HOXC4: variants seen among roughly 807,000 people sequenced by gnomAD.
HOXC4 encodes homeobox C4.
A neutral mutation model predicts 25.5 loss-of-function variants in HOXC4; 15 were observed. That is an observed-to-expected ratio of 0.59 (90% CI 0.39 to 0.91). HOXC4 has a LOEUF of 0.91. Ranked by LOEUF, HOXC4 falls within the 40% of genes least tolerant of loss-of-function variation. The pLI is 0.00. For missense variants in HOXC4, 342 were observed against 352.4 expected (o/e 0.97, Z 0.24); for synonymous variants, 165 against 148.0 (o/e 1.11, Z -0.83).
chr12:54,034,191 C>A, intron 1 of HOXC4: 3 of 1,257,504 alleles, frequency 2.4e-6, no homozygotes, highest in Non-Finnish European at 3.4e-6. Context: ...CCTCCGGCCG[C>A]GGGTGGGGGC....
intron 1 of HOXC4, among the ~76,000 whole-genome samples, chr12:54,038,996 A>G (rs1398202222): frequency 5.3e-5 from 8 of 152,156 alleles, no homozygotes; most frequent in African/African-American, 1.9e-4. Flanking sequence ...CATGTCTTCC[A>G]CACCTGCAAT....
At position 54,054,904 on chromosome 12, in the gene HOXC4, G is replaced by A; in HGVS notation, c.494G>A (p.Arg165Gln). ...EPKRSRTAYT[R>Q]QQVLELEKEF... ...AAGCGCTCGAGGACAGCCTATACCCGGCAGCAAGTCCTGGAATTAGAGAAA... is the reference window on the plus strand; with the variant it reads ...AAGCGCTCGAGGACAGCCTATACCCAGCAGCAAGTCCTGGAATTAGAGAAA... Residue 165 changes from arginine to glutamine, a missense_variant, in exon 2 of 2, where the codon CGG becomes CAG. By Grantham distance (43) the Arg-to-Gln change is conservative. Transcript: ENST00000430889. 6.2e-7 allele frequency: 1 copy of A among 1,613,962 alleles called. No individual in the cohort carries two copies. The highest frequency in any genetic ancestry group is 1.3e-5 in the African/African-American group (1 of 74,950).
intron 1 of HOXC4, among the ~76,000 whole-genome samples, chr12:54,018,300 C>T (rs1326938462): frequency 6.6e-6 from 1 of 152,232 alleles, no homozygotes; most frequent in African/African-American, 2.4e-5. Flanking sequence ...GACCGGGATG[C>T]CCGCTCGCCA....
At chr12:54,033,344 C>G in intron 1 of HOXC4, 1 of 1,613,010 alleles carries the variant, frequency 6.2e-7, no homozygotes, top group East Asian at 2.2e-5. Context: ...CCGACCGCCC[C>G]GCCTGCAGCG....
upstream of HOXC4, among the ~76,000 whole-genome samples, chr12:54,049,915 A>G (rs1356126229): frequency 6.6e-6 from 1 of 152,100 alleles, no homozygotes; most frequent in African/African-American, 2.4e-5. Context: ...TTCAATTTAT[A>G]TGAGTGAAAG....
chr12:54,034,501 G>A (rs751624231), intron 1 of HOXC4: 6 of 1,610,150 alleles, frequency 3.7e-6, no homozygotes, highest in African/African-American at 1.3e-5. Context: ...AGAGGCAGCG[G>A]GGGAGGCCCG....
At chr12:54,041,092 T>A (rs1941264241) in intron 1 of HOXC4, among the ~76,000 whole-genome samples, 1 of 152,270 alleles carries the variant, frequency 6.6e-6, no homozygotes, top group South Asian at 2.1e-4. Flanking sequence ...GATGATCCTA[T>A]GTCCTGGCCA....
intron 1 of HOXC4, among the ~76,000 whole-genome samples, chr12:54,023,080 C>A (rs140525985): frequency 6.6e-5 from 10 of 152,188 alleles, no homozygotes; most frequent in Non-Finnish European, 2.9e-5. Context: ...CATCTAAGCT[C>A]TCTCCCCATT....
intron 1 of HOXC4, among the ~76,000 whole-genome samples, chr12:54,042,052 C>T (rs1288349668): frequency 6.7e-6 from 1 of 148,526 alleles, no homozygotes; most frequent in African/African-American, 2.5e-5. Context: ...GATCTCAGCT[C>T]ACCGCAAACT....
chr12:54,048,777 T>C (rs548898307), intron 1 of HOXC4, among the ~76,000 whole-genome samples: 1 of 152,290 alleles, frequency 6.6e-6, no homozygotes, highest in South Asian at 2.1e-4. Flanking sequence ...GTTTCCAGCT[T>C]CCTGTCATCT....
intron 1 of HOXC4, among the ~76,000 whole-genome samples, chr12:54,044,717 G>T (rs992028607): frequency 7.5e-6 from 1 of 133,818 alleles, no homozygotes; most frequent in South Asian, 2.3e-4. Flanking sequence ...GTGTGTGAGT[G>T]TGTGTGTTTG....
intron 1 of HOXC4, chr12:54,030,233 G>A (rs1940931448): frequency 6.2e-6 from 2 of 323,482 alleles, no homozygotes; most frequent in South Asian, 7.8e-5. Flanking sequence ...CAGGCCTTGG[G>A]GGCTCGGACC....
At chr12:54,036,385 G>A (rs542714490) in intron 1 of HOXC4, among the ~76,000 whole-genome samples, 2 of 152,238 alleles carry the variant, frequency 1.3e-5, no homozygotes, top group East Asian at 3.9e-4. Flanking sequence ...GGGAGCAGAG[G>A]GGCTCTGGGG....
chr12:54,028,780 T>C (rs532429929), intron 1 of HOXC4: 3 of 1,614,168 alleles, frequency 1.9e-6, no homozygotes, highest in Admixed American at 3.3e-5. Flanking sequence ...GCTCTCAAAC[T>C]GCAGACAAAA....
Position 54,023,928 on chromosome 12 carries a change from T to G in HOXC4, c.-124+6514T>G, listed in dbSNP as rs186824130. Among the ~76,000 whole-genome samples, 4 of 152,316 alleles carry G rather than the reference T, an allele frequency of 2.6e-5. No homozygotes were observed. The East Asian group carries it at 7.7e-4, about 29-fold the overall frequency. On this transcript the variant is annotated intron_variant, in intron 1 of 3. Transcript: ENST00000303406. Reference sequence around the variant, plus strand: ...TTCTCTGGCAGACCAGGAGGCTCTTTGCGATCTGATCCTTTGACTAGGAGT... The same window carrying G: ...TTCTCTGGCAGACCAGGAGGCTCTTGGCGATCTGATCCTTTGACTAGGAGT...
intron 1 of HOXC4, among the ~76,000 whole-genome samples, chr12:54,026,362 A>T (rs1480387536): frequency 6.6e-6 from 1 of 152,214 alleles, no homozygotes; most frequent in Non-Finnish European, 1.5e-5. Flanking sequence ...GCATGCCATG[A>T]ATTCGAGGAC....
rs1696712926 is a variant in HOXC4, at chr12:54,044,537, A to C, written c.-123-8623A>C. On this transcript the variant is annotated intron_variant, in intron 1 of 3. Transcript: ENST00000303406. ...CCCTGTCACTCTTTCCCCAAGCCCC[A>C]AACCCCCTTTGACAAGGTAGAACTT... 2.6e-5 allele frequency among the ~76,000 whole-genome samples: 4 copies of C among 152,294 alleles called. No individual in the cohort carries two copies. In the South Asian group the frequency reaches 8.3e-4, roughly 32 times the overall value.
At chr12:54,036,777 G>A (rs972370305) in intron 1 of HOXC4, among the ~76,000 whole-genome samples, 7 of 152,170 alleles carry the variant, frequency 4.6e-5, no homozygotes, top group African/African-American at 1.2e-4. Context: ...GCAGTGAAGC[G>A]TGGAGAAGCA....
chr12:54,031,553 T>C (rs1464093695), intron 1 of HOXC4, among the ~76,000 whole-genome samples: 1 of 152,188 alleles, frequency 6.6e-6, no homozygotes, highest in Non-Finnish European at 1.5e-5. Context: ...CCTAACCATT[T>C]ATCAACCCTG....
Sources: gnomAD v4.1 joint callset for allele counts (sites outside exome capture counted in the v4.1 genomes callset) on GRCh38, gnomAD v4.1.1 for gene constraint, MANE v1.5 for transcripts, NCBI Gene and HGNC (gene_info 2026-07-23, HGNC 2026-07-21) for gene names.